The following CNTLN variants were observed in gnomAD, a reference collection of about 807,000 sequenced individuals.
The protein encoded by CNTLN is centlein, centrosomal protein.
CNTLN carries 212 observed loss-of-function variants against 180.0 expected under a neutral mutation model. The observed-to-expected ratio is 1.18, with a 90% confidence interval of 1.05 to 1.32. CNTLN has a LOEUF of 1.32. CNTLN is among the 40% of genes most tolerant of loss of function. The pLI, the probability that CNTLN is intolerant of heterozygous loss-of-function variation, is 0.00. For missense variants in CNTLN, 2,095 were observed against 1,610.9 expected (o/e 1.30, Z -5.14); for synonymous variants, 722 against 563.1 (o/e 1.28, Z -3.99).
the CNTLN span, among the ~76,000 whole-genome samples, chr9:17,526,429 T>C: frequency 6.6e-6 from 1 of 152,226 alleles, no homozygotes; most frequent in Non-Finnish European, 1.5e-5. Context: ...TTTAACTTCT[T>C]TTGATAAATA....
chr9:17,365,616 G>A (rs893648725), intron 12 of CNTLN, among the ~76,000 whole-genome samples: 1 of 152,092 alleles, frequency 6.6e-6, no homozygotes, highest in African/African-American at 2.4e-5. Flanking sequence ...TCAGTGTTAT[G>A]TATTAACATT....
intron 8 of CNTLN, among the ~76,000 whole-genome samples, chr9:17,325,563 A>ACG (rs1477233214): frequency 7.1e-6 from 1 of 139,926 alleles, no homozygotes; most frequent in Admixed American, 7.2e-5. Flanking sequence ...TATTACACAC[A>ACG]CACACACACA....
chr9:17,141,646 A>G (rs989332827), intron 1 of CNTLN, among the ~76,000 whole-genome samples: 4 of 152,302 alleles, frequency 2.6e-5, no homozygotes, highest in South Asian at 2.1e-4. Context: ...TGAGACCATG[A>G]TACATAGCTG....
intron 21 of CNTLN, among the ~76,000 whole-genome samples, chr9:17,465,178 T>C (rs1831676827): frequency 6.7e-6 from 1 of 150,254 alleles, no homozygotes; most frequent in African/African-American, 2.4e-5. Flanking sequence ...CCCTGTGCTT[T>C]GGCATTCACT....
chr9:17,247,848 T>C (rs1825891581), intron 5 of CNTLN, among the ~76,000 whole-genome samples: 3 of 150,906 alleles, frequency 2.0e-5, no homozygotes, highest in Non-Finnish European at 3.0e-5. Context: ...TTTTTTTTTT[T>C]TGAGACAGGG....
At chr9:17,484,263 T>G in intron 23 of CNTLN, 32 bp from the exon 24 acceptor site, 1 of 1,532,160 alleles carries the variant, frequency 6.5e-7, no homozygotes, top group Non-Finnish European at 8.8e-7. Flanking sequence ...ATGACTTTAA[T>G]ATAAGCTCAA....
chr9:17,180,744 G>A (rs979939110), intron 2 of CNTLN, among the ~76,000 whole-genome samples: 1 of 151,876 alleles, frequency 6.6e-6, no homozygotes, highest in Non-Finnish European at 1.5e-5. Context: ...CCAATTCCTA[G>A]ATTTCCCCCC....
the CNTLN span, among the ~76,000 whole-genome samples, chr9:17,516,927 T>C: frequency 1.5e-3 from 234 of 152,304 alleles, no homozygotes; most frequent in African/African-American, 5.2e-3. Flanking sequence ...TAAATATTCA[T>C]TGAGGAAAGG....
intron 7 of CNTLN, chr9:17,299,191 C>G (rs1420344813): frequency 6.4e-6 from 1 of 156,202 alleles, no homozygotes; most frequent in Non-Finnish European, 1.2e-5. Context: ...CGCAGTGAGC[C>G]AAGATCGCAC....
intron 2 of CNTLN, among the ~76,000 whole-genome samples, chr9:17,200,747 G>A (rs950041149): frequency 7.9e-5 from 12 of 152,062 alleles, no homozygotes; most frequent in African/African-American, 2.9e-4. Flanking sequence ...TGAGCTGATG[G>A]GGTTTTCTAA....
chr9:17,239,421 G>GTTACTTT (rs1378055419), intron 5 of CNTLN, among the ~76,000 whole-genome samples: 1 of 151,178 alleles, frequency 6.6e-6, no homozygotes, highest in Non-Finnish European at 1.5e-5. Flanking sequence ...TAAATTCTTT[G>GTTACTTT]TTACTTTTTA....
At position 17,467,892 on chromosome 9, in the gene CNTLN, A is replaced by G. The variant is rs181477321; in HGVS notation, c.3855+1001A>G. Among the ~76,000 whole-genome samples, 103 of 151,900 alleles carry G rather than the reference A, an allele frequency of 6.8e-4. 2 individuals are homozygous for G. In the South Asian group the frequency reaches 0.021, roughly 30 times the overall value. ...TGACCCAGCAATCCCATTATTGGGT[A>G]CATAACCAAAATAATATAAATCCTT... On this transcript the variant is annotated intron_variant, in intron 23 of 25. Coordinates refer to ENST00000380647, the MANE Select transcript of CNTLN (RefSeq NM_017738.4).
At chr9:17,364,068 C>T (rs1479996934) in intron 12 of CNTLN, among the ~76,000 whole-genome samples, 3 of 152,098 alleles carry the variant, frequency 2.0e-5, no homozygotes, top group Admixed American at 1.3e-4. Context: ...CCTGAAGTTT[C>T]ACTAAGACAT....
intron 6 of CNTLN, among the ~76,000 whole-genome samples, chr9:17,285,468 T>G (rs1203464726): frequency 2.0e-5 from 3 of 146,448 alleles, no homozygotes; most frequent in East Asian, 4.0e-4. Context: ...TAAACATACG[T>G]GTGCATGTGT....
intron 18 of CNTLN, among the ~76,000 whole-genome samples, chr9:17,418,350 A>G (rs533739376): frequency 6.6e-6 from 1 of 151,978 alleles, no homozygotes; most frequent in Non-Finnish European, 1.5e-5. Context: ...TTCTCTACTG[A>G]TAAAGTAACT....
In CNTLN at chr9:17,272,094, TTCCC is replaced by T. The variant is rs538956719; in HGVS notation, c.850-1621_850-1618del. On this transcript the variant is annotated intron_variant, in intron 5 of 25. Coordinates refer to ENST00000380647, the MANE Select transcript of CNTLN (RefSeq NM_017738.4). ...TCTGTCCTTTCTTTCCTTCCTTTCT[TTCCC>T]TCCCTCCCTCCCTCCCTTCCTTCCT... Among the ~76,000 whole-genome samples the T allele has an allele frequency of 4.1e-4, 59 of 145,566 alleles. 1 individual carries two copies. Among genetic ancestry groups the T allele is most frequent in the Admixed American group, 8.2e-4 (12 of 14,564 alleles).
At chr9:17,361,210 C>G (rs577910101) in intron 12 of CNTLN, among the ~76,000 whole-genome samples, 3 of 152,168 alleles carry the variant, frequency 2.0e-5, no homozygotes, top group African/African-American at 7.2e-5. Flanking sequence ...ATCCCTCCCC[C>G]GTCTCCCCAC....
chr9:17,180,525 C>T (rs1324084595), intron 2 of CNTLN, among the ~76,000 whole-genome samples: 1 of 151,632 alleles, frequency 6.6e-6, no homozygotes, highest in Non-Finnish European at 1.5e-5. Flanking sequence ...TTTAGAACCA[C>T]ATAAGATATT....
chr9:17,436,276 G>A (rs1460885677), intron 18 of CNTLN, among the ~76,000 whole-genome samples: 1 of 152,112 alleles, frequency 6.6e-6, no homozygotes, highest in Admixed American at 6.5e-5. Flanking sequence ...TACCGTCTGA[G>A]TCAGATCCAG....
Sources: gnomAD v4.1 joint callset for allele counts (sites outside exome capture counted in the v4.1 genomes callset) on GRCh38, gnomAD v4.1.1 for gene constraint, MANE v1.5 for transcripts, NCBI Gene and HGNC (gene_info 2026-07-23, HGNC 2026-07-21) for gene names.